The following NTNG1 variants were observed in gnomAD, a reference collection of about 807,000 sequenced individuals.
NTNG1 encodes netrin G1.
A neutral mutation model predicts 54.0 loss-of-function variants in NTNG1; 16 were observed. The observed-to-expected ratio is 0.30, with a 90% CI of 0.20 to 0.45. The LOEUF (loss-of-function observed/expected upper bound fraction) is 0.45, where lower values mean the gene tolerates loss of function less well. NTNG1 is among the 20% of genes least tolerant of loss of function. The probability of loss-of-function intolerance (pLI) is 1.00; values close to 1 mark genes in which losing one functional copy is unlikely to be tolerated. For synonymous variants in NTNG1, 255 were observed against 263.1 expected, an observed-to-expected ratio of 0.97 and a Z score of 0.30; for missense variants, 530 against 678.7, an observed-to-expected ratio of 0.78 and a Z score of 2.43.
intron 5 of NTNG1, 96 bp from the exon 6 acceptor site, chr1:107,430,654 C>T: frequency 1.6e-6 from 2 of 1,240,198 alleles, no homozygotes; most frequent in African/African-American, 1.5e-5. Context: ...GCCATTCCAC[C>T]GTCTTTTCTC....
At chr1:107,381,486 C>A (rs143624917) in intron 3 of NTNG1, among the ~76,000 whole-genome samples, 196 of 151,994 alleles carry the variant, frequency 1.3e-3, no homozygotes, top group African/African-American at 4.3e-3. Context: ...TATCATTTCT[C>A]CATTTTCCAA....
chr1:107,476,453 C>CA (rs1678335783), intron 7 of NTNG1, among the ~76,000 whole-genome samples: 1 of 152,182 alleles, frequency 6.6e-6, no homozygotes, highest in African/African-American at 2.4e-5. Context: ...AAAACAGCTG[C>CA]AGAAGAACCT....
chr1:107,201,633 A>AG (rs1221300456), intron 2 of NTNG1, among the ~76,000 whole-genome samples: 1 of 151,906 alleles, frequency 6.6e-6, no homozygotes, highest in African/African-American at 2.4e-5. Flanking sequence ...AAAGAAAATC[A>AG]GGTGCATATT....
chr1:107,280,415 G>A (rs1317100591), intron 2 of NTNG1, among the ~76,000 whole-genome samples: 1 of 151,390 alleles, frequency 6.6e-6, no homozygotes, highest in African/African-American at 2.4e-5. Flanking sequence ...AGTTTCTCCT[G>A]TATTATTAAT....
chr1:107,356,129 T>C (rs1183767646), intron 3 of NTNG1, among the ~76,000 whole-genome samples: 1 of 152,176 alleles, frequency 6.6e-6, no homozygotes, highest in Non-Finnish European at 1.5e-5. Flanking sequence ...TACTTAGGGT[T>C]GTATCCAGTG....
intron 2 of NTNG1, among the ~76,000 whole-genome samples, chr1:107,167,631 TA>T (rs1655905269): frequency 6.6e-6 from 1 of 151,984 alleles, no homozygotes; most frequent in African/African-American, 2.4e-5. Context: ...CAGTAACTAA[TA>T]AAAAATAGTT....
chr1:107,434,415 C>T (rs1447280162), intron 6 of NTNG1, among the ~76,000 whole-genome samples: 2 of 152,132 alleles, frequency 1.3e-5, no homozygotes, highest in East Asian at 3.9e-4. Context: ...ATAGCAATTA[C>T]ATGAAGATGA....
chr1:107,198,166 G>C (rs1658477565), intron 2 of NTNG1, among the ~76,000 whole-genome samples: 1 of 151,984 alleles, frequency 6.6e-6, no homozygotes, highest in Admixed American at 6.6e-5. Context: ...CTTTAACGGT[G>C]TTGGAAAAGA....
intron 2 of NTNG1, among the ~76,000 whole-genome samples, chr1:107,169,019 A>G (rs1353632031): frequency 6.6e-6 from 1 of 152,184 alleles, no homozygotes; most frequent in Non-Finnish European, 1.5e-5. Context: ...AAACAGTTTA[A>G]TCTGTAAATG....
chr1:107,320,061 A>G (rs1263189132), intron 2 of NTNG1, among the ~76,000 whole-genome samples: 1 of 152,138 alleles, frequency 6.6e-6, no homozygotes, highest in East Asian at 1.9e-4. Context: ...GCAATATTCC[A>G]CTTTGGCTAC....
rs58443542 is a variant in NTNG1, at chr1:107,263,272, GCTTCCTTCCTTCCTTCCTTC to G, written c.247-60977_247-60958del. Among the ~76,000 whole-genome samples, 88 of 146,268 alleles carry G rather than the reference GCTTCCTTCCTTCCTTCCTTC, an allele frequency of 6.0e-4. 1 individual carries two copies. Among genetic ancestry groups the G allele is most frequent in the East Asian group, 2.0e-3 (10 of 4,896 alleles). ...GCTAATAACAGTTCTAGGTTAGCTTGCTTCCTTCCTTCCTTCCTTCCTTCCTTCCTTCCTTCCTTCCTTCC... is the reference window on the plus strand; with the variant it reads ...GCTAATAACAGTTCTAGGTTAGCTTGCTTCCTTCCTTCCTTCCTTCCTTCC... On this transcript the variant is annotated intron_variant, in intron 2 of 7. Coordinates refer to ENST00000370068, the MANE Select transcript of NTNG1 (RefSeq NM_001113226.3).
chr1:107,290,966 TA>T (rs1665552201), intron 2 of NTNG1, among the ~76,000 whole-genome samples: 27 of 104,446 alleles, frequency 2.6e-4, no homozygotes, highest in African/African-American at 1.1e-3. Context: ...ATATATATTA[TA>T]TATATATATA....
intron 2 of NTNG1, among the ~76,000 whole-genome samples, chr1:107,189,864 T>C (rs1473932787): frequency 6.6e-6 from 1 of 150,646 alleles, no homozygotes; most frequent in Non-Finnish European, 1.5e-5. Context: ...GGTATTTGTG[T>C]ACTAGTATTC....
intron 2 of NTNG1, among the ~76,000 whole-genome samples, chr1:107,245,153 C>T (rs1662112889): frequency 6.6e-6 from 1 of 152,126 alleles, no homozygotes; most frequent in Admixed American, 6.5e-5. Flanking sequence ...GGAATTTATC[C>T]AGGCAAATTC....
intron 2 of NTNG1, among the ~76,000 whole-genome samples, chr1:107,285,138 A>G (rs1362548613): frequency 1.3e-5 from 2 of 152,142 alleles, no homozygotes; most frequent in Admixed American, 6.6e-5. Context: ...CTCAGATACA[A>G]CTTTGCACAA....
intron 2 of NTNG1, among the ~76,000 whole-genome samples, chr1:107,280,576 G>A (rs1360826706): frequency 6.8e-6 from 1 of 147,942 alleles, no homozygotes. Context: ...TCTTATATAA[G>A]AGTCAAGGTT....
At chr1:107,340,240 T>G (rs951829437) in intron 3 of NTNG1, among the ~76,000 whole-genome samples, 1 of 152,044 alleles carries the variant, frequency 6.6e-6, no homozygotes, top group Non-Finnish European at 1.5e-5. Flanking sequence ...ACATGCTTTA[T>G]TTCTCCTTTC....
chr1:107,367,734 T>C (rs556303194), intron 3 of NTNG1, among the ~76,000 whole-genome samples: 1 of 152,116 alleles, frequency 6.6e-6, no homozygotes, highest in Non-Finnish European at 1.5e-5. Context: ...TGTCTGTTTG[T>C]TTGGTTTTGT....
At chr1:107,244,916 T>G (rs991968094) in intron 2 of NTNG1, among the ~76,000 whole-genome samples, 2 of 152,242 alleles carry the variant, frequency 1.3e-5, no homozygotes, top group Admixed American at 6.5e-5. Flanking sequence ...AAAGGGAAAC[T>G]GCATCTGGTG....
Sources: gnomAD v4.1 joint callset for allele counts (sites outside exome capture counted in the v4.1 genomes callset) on GRCh38, gnomAD v4.1.1 for gene constraint, MANE v1.5 for transcripts, NCBI Gene and HGNC (gene_info 2026-07-23, HGNC 2026-07-21) for gene names.